STAB1: variants seen among roughly 807,000 people sequenced by gnomAD.
STAB1 encodes stabilin-1.
STAB1 carries 250 observed loss-of-function variants against 332.4 expected under a neutral mutation model. That is an observed-to-expected ratio of 0.75 (90% CI 0.68 to 0.84). The LOEUF is 0.84. Among genes scored for constraint, STAB1 ranks in the 40% least tolerant of loss-of-function variants. The pLI is 0.00. For synonymous variants in STAB1, 1,475 were observed against 1,390.4 expected (o/e 1.06, Z -1.35); for missense variants, 3,249 against 3,489.7 (o/e 0.93, Z 1.74).
At chr3:52,499,152 C>T (rs1225453942) in intron 1 of STAB1, among the ~76,000 whole-genome samples, 3 of 152,274 alleles carry the variant, frequency 2.0e-5, no homozygotes, top group African/African-American at 7.2e-5. Context: ...AACATCTCCA[C>T]TTCTCTGGGC....
chr3:52,505,925 A>C lies in STAB1; in HGVS notation c.1738A>C (p.Asn580His). The C allele has an allele frequency of 1.9e-6, 3 of 1,613,660 alleles. No individual in the cohort carries two copies. The highest frequency in any genetic ancestry group is 2.5e-6 in the Non-Finnish European group (3 of 1,180,012). ...LQELVRYHIY[N>H]HGQLTVEKLI... ...GGAGTTGGTGCGGTACCACATCTAC[A>C]ACCACGGCCAGGTGCGAGGTCTTTT... Residue 580 changes from asparagine to histidine, a missense_variant, in exon 16 of 69, where the codon AAC becomes CAC. Transcript: ENST00000321725.
intron 21 of STAB1, 77 bp downstream of exon 21, chr3:52,508,436 G>A (rs760159911): frequency 1.4e-6 from 2 of 1,439,172 alleles, no homozygotes; most frequent in Admixed American, 3.7e-5. Flanking sequence ...GACTGGCTGT[G>A]TGTCTGGGCC....
chr3:52,516,827 G>C, intron 41 of STAB1, 59 bp downstream of exon 41: 2 of 1,593,508 alleles, frequency 1.3e-6, no homozygotes, highest in East Asian at 4.6e-5. Flanking sequence ...TGTCCCCACA[G>C]AGCCCCCTTC....
Position 52,521,391 on chromosome 3 carries a change from G to C in STAB1, c.5939G>C (p.Ser1980Thr). Residue 1980 changes from serine to threonine, a missense_variant, in exon 56 of 69, where the codon AGT becomes ACT. By Grantham distance (58) the Ser-to-Thr change is moderately conservative. Coordinates refer to ENST00000321725, the MANE Select transcript of STAB1 (RefSeq NM_015136.3). The part of the protein sequence containing the change: ...ACPGGPSSPC[S>T]DRGVCMDGMS... Reference sequence around the variant, plus strand: ...CCTGGCGGCCCCAGCAGCCCTTGTAGTGACCGTGGCGTGTGCATGGACGGC... The same window carrying C: ...CCTGGCGGCCCCAGCAGCCCTTGTACTGACCGTGGCGTGTGCATGGACGGC... 6.2e-7 allele frequency: 1 copy of C among 1,614,036 alleles called. No individual in the cohort carries two copies. The highest frequency in any genetic ancestry group is 8.5e-7 in the Non-Finnish European group (1 of 1,180,022).
At position 52,522,135 on chromosome 3, in the gene STAB1, G is replaced by C. The variant is rs775418953; in HGVS notation, c.6370G>C (p.Glu2124Gln). Reference sequence around the variant, plus strand: ...CACTTGTACCTGCCTGCCCGACTACGAGGGTGATGGCTGGAGCTGCCGGGC... The same window carrying C: ...CACTTGTACCTGCCTGCCCGACTACCAGGGTGATGGCTGGAGCTGCCGGGC... ...MVTCTCLPDYEGDGWSCRARN... is the reference protein window; with the variant it reads ...MVTCTCLPDYQGDGWSCRARN... Residue 2124 changes from glutamate to glutamine, a missense_variant, in exon 59 of 69, where the codon GAG becomes CAG. Transcript: ENST00000321725. 3.1e-6 allele frequency: 5 copies of C among 1,613,038 alleles called. No individual in the cohort carries two copies. Among genetic ancestry groups the C allele is most frequent in the African/African-American group, 1.3e-5 (1 of 75,054 alleles).
At chr3:52,509,847 T>G in intron 22 of STAB1, 23 bp from the exon 23 acceptor site, 1 of 1,612,390 alleles carries the variant, frequency 6.2e-7, no homozygotes, top group African/African-American at 1.3e-5. Context: ...CTCAGTTTCC[T>G]TGCTCCCATC....
At position 52,517,369 on chromosome 3, in the gene STAB1, G is replaced by C; in HGVS notation, c.4539G>C (p.Glu1513Asp). Residue 1513 changes from glutamate (E) to aspartate (D), a missense_variant, in exon 43 of 69, where the codon GAG becomes GAC. By Grantham distance (45) the Glu-to-Asp change is conservative. Transcript: ENST00000321725. The stretch of plus-strand genomic sequence containing the variant: ...ACGGGGGCTGCCACATTCACGCCGA[G>C]TGCATCCCCACTGGCCCCCAGCAGG... ...IHHGGCHIHA[E>D]CIPTGPQQVS... 1 of 1,605,780 alleles carries C rather than the reference G, an allele frequency of 6.2e-7. No individual in the cohort carries two copies. Among genetic ancestry groups the C allele is most frequent in the Non-Finnish European group, 8.5e-7 (1 of 1,176,544 alleles).
At chr3:52,519,789 G>A in intron 50 of STAB1, 155 bp from the exon 51 acceptor site, 1 of 1,151,932 alleles carries the variant, frequency 8.7e-7, no homozygotes, top group Non-Finnish European at 1.2e-6. Flanking sequence ...AGTGTGCACA[G>A]TTGAGATGTG....
At chr3:52,514,274 A>G in intron 33 of STAB1, 61 bp downstream of exon 33, 1 of 1,600,936 alleles carries the variant, frequency 6.2e-7, no homozygotes, top group Non-Finnish European at 8.5e-7. Flanking sequence ...CGAGCCTCCA[A>G]TCCCACCACG....
At chr3:52,501,371 T>C in intron 2 of STAB1, 69 bp downstream of exon 2, 6 of 1,579,834 alleles carry the variant, frequency 3.8e-6, no homozygotes, top group Non-Finnish European at 5.2e-6. Context: ...TCGGGGAGCC[T>C]GACAGGCCCA....
At position 52,515,427 on chromosome 3, in the gene STAB1, C is replaced by T. The variant is rs1255480426; in HGVS notation, c.3869C>T (p.Thr1290Ile). Reference sequence around the variant, plus strand: ...CCTGCCTGTCCCCGTTTCCAGGACACACCCAGGAAGAGCTGTGTCTACCGA... The same window carrying T: ...CCTGCCTGTCCCCGTTTCCAGGACATACCCAGGAAGAGCTGTGTCTACCGA... ...RCTQGFQLQD[T>I]PRKSCVYRSG... is the part of the protein sequence containing the mutation. Residue 1290 changes from threonine (T) to isoleucine (I), a missense_variant, in exon 37 of 69, where the codon ACA becomes ATA. Physicochemically the swap from Thr to Ile is moderately conservative, Grantham distance 89. Transcript: ENST00000321725. 3 of 1,613,094 alleles carry T rather than the reference C, an allele frequency of 1.9e-6. No individual in the cohort carries two copies. Among genetic ancestry groups the T allele is most frequent in the South Asian group, 2.2e-5 (2 of 91,086 alleles).
intron 50 of STAB1, 157 bp downstream of exon 50, chr3:52,519,721 A>C (rs1391330027): frequency 8.1e-6 from 10 of 1,227,714 alleles, no homozygotes; most frequent in Admixed American, 6.4e-5. Context: ...ATCTGTGTGC[A>C]TGTGCACCCC....
Position 52,504,492 on chromosome 3 carries a change from G to T in STAB1, c.1182G>T (p.Ala394=), listed in dbSNP as rs777777154. The change falls in exon 11 of 69, where the codon GCG becomes GCT. Residue 394 remains alanine, a synonymous_variant. Transcript: ENST00000321725. ...DQGCREILTT[A]GPFTVLVPSV... Reference sequence around the variant, plus strand: ...GCTGCCGGGAAATCCTTACCACAGCGGGCCCTTTCACCGTGCTGGTGCCAT... The same window carrying T: ...GCTGCCGGGAAATCCTTACCACAGCTGGCCCTTTCACCGTGCTGGTGCCAT... The T allele has an allele frequency of 1.9e-6, 3 of 1,614,002 alleles. No homozygotes were observed. The East Asian group carries it at 6.7e-5, about 36-fold the overall frequency.
intron 45 of STAB1, 21 bp downstream of exon 45, chr3:52,518,024 C>T (rs1407959338): frequency 6.3e-7 from 1 of 1,592,138 alleles, no homozygotes; most frequent in Non-Finnish European, 8.5e-7. Flanking sequence ...CCAAGTCAGA[C>T]CCCTGATCTG....
At chr3:52,522,295 G>A (rs945090754) in intron 59 of STAB1, 35 bp from the exon 60 acceptor site, 2 of 1,612,132 alleles carry the variant, frequency 1.2e-6, no homozygotes, top group Non-Finnish European at 1.7e-6. Context: ...GACCTCTGAA[G>A]GGTGAAGGGC....
chr3:52,520,109 C>A lies in STAB1; in HGVS notation c.5401C>A (p.Arg1801Ser). Residue 1801 changes from arginine to serine, a missense_variant, in exon 51 of 69, where the codon CGC becomes AGC. By Grantham distance (110) the Arg-to-Ser change is moderately radical. Transcript: ENST00000321725. ...LAAILRGHMI[R>S]NVEALASDLP... ...AGCCATTCTGCGGGGCCACATGATT[C>A]GCAATGTCGAGGTGGGTGCAGCCCC... The A allele has an allele frequency of 6.2e-7, 1 of 1,609,874 alleles. No homozygotes were observed. Among genetic ancestry groups the A allele is most frequent in the Non-Finnish European group, 8.5e-7 (1 of 1,177,294 alleles).
In STAB1 at chr3:52,515,511, G is replaced by C; in HGVS notation, c.3948+5G>C. On this transcript the variant is annotated splice_donor_5th_base_variant and intron_variant, in intron 37 of 68. Transcript: ENST00000321725. ...ACATGTGCCAAGAAGATCCAGGTTT[G>C]CCCTGAAGCCCCCACCCCAAGCCTG... 6.2e-7 allele frequency: 1 copy of C among 1,613,044 alleles called. No individual in the cohort carries two copies. The highest frequency in any genetic ancestry group is 8.5e-7 in the Non-Finnish European group (1 of 1,179,982).
chr3:52,501,799 C>G (rs1269249217), intron 3 of STAB1, 46 bp downstream of exon 3: 1 of 1,527,854 alleles, frequency 6.5e-7, no homozygotes, highest in East Asian at 2.4e-5. Flanking sequence ...CACCCAGCCC[C>G]AGCTCTGGGC....
Position 52,514,219 on chromosome 3 carries a change from G to T in STAB1, c.3546+6G>T, listed in dbSNP as rs369703240. 4 of 1,612,856 alleles carry T rather than the reference G, an allele frequency of 2.5e-6. No individual in the cohort carries two copies. The highest frequency in any genetic ancestry group is 1.3e-5 in the African/African-American group (1 of 74,934). On this transcript the variant is annotated splice_donor_region_variant and intron_variant, in intron 33 of 68. Transcript: ENST00000321725. Reference sequence around the variant, plus strand: ...AGGGCAACAGCAGTCACCTGGTGAGGCCGTGGGGATGGGGCAATGGCAGGG... The same window carrying T: ...AGGGCAACAGCAGTCACCTGGTGAGTCCGTGGGGATGGGGCAATGGCAGGG...
Sources: allele counts gnomAD v4.1 joint callset (sites outside exome capture counted in the v4.1 genomes callset), GRCh38; gene constraint gnomAD v4.1.1; transcripts MANE v1.5; gene names NCBI Gene and HGNC (gene_info 2026-07-23, HGNC 2026-07-21).